GATAD2A: variants seen among roughly 807,000 people sequenced by gnomAD.
The protein encoded by GATAD2A is GATA zinc finger domain containing 2A.
GATAD2A carries 12 observed loss-of-function variants against 68.5 expected under a neutral mutation model. The observed-to-expected ratio is 0.18, with a 90% CI of 0.11 to 0.28. The LOEUF is 0.28. Ranked by LOEUF, GATAD2A falls within the 10% of genes least tolerant of loss-of-function variation. The pLI, the probability that GATAD2A is intolerant of heterozygous loss-of-function variation, is 1.00. For missense variants in GATAD2A, 755 were observed against 868.5 expected (o/e 0.87, Z 1.64); for synonymous variants, 410 against 375.3 (o/e 1.09, Z -1.07).
chr19:19,472,388 T>C (rs1329479078), intron 2 of GATAD2A: 1 of 151,876 alleles, frequency 6.6e-6, no homozygotes, highest in Non-Finnish European at 1.5e-5. Flanking sequence ...GACTGGAGTG[T>C]GGTGGCGTGG....
intron 2 of GATAD2A, among the ~76,000 whole-genome samples, chr19:19,484,037 G>T (rs549902040): frequency 6.6e-6 from 1 of 152,020 alleles, no homozygotes; most frequent in Non-Finnish European, 1.5e-5. Context: ...GGAGGACTGC[G>T]TGGGGTCCCA....
chr19:19,399,156 GGAGGTT>G (rs2049507622), intron 1 of GATAD2A, among the ~76,000 whole-genome samples: 1 of 152,132 alleles, frequency 6.6e-6, no homozygotes, highest in Admixed American at 6.5e-5. Flanking sequence ...CCTGAGAGGT[GGAGGTT>G]GCAGTGAGCC....
intron 1 of GATAD2A, among the ~76,000 whole-genome samples, chr19:19,438,998 C>T (rs922963261): frequency 6.6e-6 from 1 of 152,262 alleles, no homozygotes; most frequent in African/African-American, 2.4e-5. Context: ...CTAGCCCACA[C>T]TTGCTTTAAG....
intron 1 of GATAD2A, among the ~76,000 whole-genome samples, chr19:19,444,872 TAA>T (rs10641522): frequency 5.7e-5 from 7 of 123,164 alleles, no homozygotes; most frequent in East Asian, 2.4e-4. Context: ...CCTCGTCCCT[TAA>T]AAAAAAAAAA....
At chr19:19,475,723 G>A (rs923963218) in intron 2 of GATAD2A, among the ~76,000 whole-genome samples, 2 of 152,072 alleles carry the variant, frequency 1.3e-5, no homozygotes, top group East Asian at 1.9e-4. Flanking sequence ...TGCCTTAGCC[G>A]CTGCCCCTCC....
At chr19:19,392,394 G>GT (rs575233493) in intron 1 of GATAD2A, among the ~76,000 whole-genome samples, 208 of 109,616 alleles carry the variant, frequency 1.9e-3, no homozygotes, top group Admixed American at 2.1e-3. Flanking sequence ...TTGTGTGTGT[G>GT]TTTTTTTTTT....
chr19:19,389,876 C>T (rs1039620176), intron 1 of GATAD2A, among the ~76,000 whole-genome samples: 2 of 152,198 alleles, frequency 1.3e-5, no homozygotes, highest in African/African-American at 4.8e-5. Flanking sequence ...GATCCTCCCA[C>T]CTCAGCCTCT....
intron 11 of GATAD2A, among the ~76,000 whole-genome samples, chr19:19,504,331 A>G (rs1453876977): frequency 6.6e-6 from 1 of 152,270 alleles, no homozygotes; most frequent in East Asian, 1.9e-4. Flanking sequence ...GAAAATACAG[A>G]GAGAAAAGAC....
chr19:19,443,399 A>G (rs1311918685), intron 1 of GATAD2A, among the ~76,000 whole-genome samples: 1 of 152,176 alleles, frequency 6.6e-6, no homozygotes, highest in East Asian at 1.9e-4. Context: ...TAACTCTTTG[A>G]GCATACGATT....
At position 19,495,892 on chromosome 19, in the gene GATAD2A, A is replaced by G. The variant is rs762157056; in HGVS notation, c.756+7A>G. On this transcript the variant is annotated splice_region_variant and intron_variant, in intron 6 of 11. Transcript: ENST00000683918. ...ACTCGTCAGGGGGGCTCAGGTAAGC[A>G]GGGCTGTGCACATGGGGGAGACCTG... 3.7e-6 allele frequency: 6 copies of G among 1,609,684 alleles called. No homozygotes were observed. The highest frequency in any genetic ancestry group is 5.1e-6 in the Non-Finnish European group (6 of 1,177,188).
chr19:19,504,857 G>T (rs960048600), intron 11 of GATAD2A, among the ~76,000 whole-genome samples: 1 of 151,972 alleles, frequency 6.6e-6, no homozygotes, highest in African/African-American at 2.4e-5. Flanking sequence ...TGCCCAGGCT[G>T]GTCTCTATCT....
At chr19:19,471,022 G>A (rs1052360741) in intron 2 of GATAD2A, among the ~76,000 whole-genome samples, 2 of 152,158 alleles carry the variant, frequency 1.3e-5, no homozygotes, top group African/African-American at 2.4e-5. Context: ...TTGGGAGGCC[G>A]AGGCAGGCGG....
At position 19,501,297 on chromosome 19, in the gene GATAD2A, G is replaced by T. The variant is rs758316709; in HGVS notation, c.1384G>T (p.Ala462Ser). Residue 462 changes from alanine (A) to serine (S), a missense_variant, in exon 9 of 12, where the codon GCC (alanine) becomes TCC (serine). Coordinates refer to ENST00000683918, the MANE Select transcript of GATAD2A (RefSeq NM_001384528.1). Reference sequence around the variant, plus strand: ...GGAGCACACCAGCCGGCTGAAGGCCGCCTTTGTGAAGGCGCTGCAGCAGGA... The same window carrying T: ...GGAGCACACCAGCCGGCTGAAGGCCTCCTTTGTGAAGGCGCTGCAGCAGGA... ...KVEHTSRLKA[A>S]FVKALQQEQE... The T allele has an allele frequency of 6.2e-7, 1 of 1,613,218 alleles. No homozygotes were observed.
intron 11 of GATAD2A, among the ~76,000 whole-genome samples, chr19:19,502,839 A>C (rs2060628818): frequency 6.6e-6 from 1 of 152,154 alleles, no homozygotes; most frequent in Admixed American, 6.5e-5. Context: ...GTCAGCACAC[A>C]CCCCTATCTT....
intron 2 of GATAD2A, chr19:19,472,400 C>CTCA: frequency 6.6e-6 from 1 of 151,170 alleles, no homozygotes; most frequent in East Asian, 1.9e-4. Context: ...GTGGCGTGGT[C>CTCA]TCAGCTCACT....
rs200550373 is a variant in GATAD2A, at chr19:19,446,718, ATTTTG to A, written c.-6-18612_-6-18608del. On this transcript the variant is annotated intron_variant, in intron 1 of 11. Transcript: ENST00000683918. Reference sequence around the variant, plus strand: ...TTTTCATATATGGGGTGATGTAAAGATTTTGTTTTGTTTTTATTTTTTTGTAGAGA... The same window carrying A: ...TTTTCATATATGGGGTGATGTAAAGATTTTGTTTTTATTTTTTTGTAGAGA... Among the ~76,000 whole-genome samples the A allele has an allele frequency of 5.3e-3, 800 of 151,972 alleles. 6 individuals are homozygous for A. Among genetic ancestry groups the A allele is most frequent in the South Asian group, 0.041 (197 of 4,808 alleles).
At chr19:19,480,053 C>G (rs144533130) in intron 2 of GATAD2A, among the ~76,000 whole-genome samples, 2,475 of 152,022 alleles carry the variant, frequency 0.016, 80 homozygotes, top group South Asian at 0.085. Context: ...GTGATCCACC[C>G]GCCTCGGCTC....
intron 2 of GATAD2A, among the ~76,000 whole-genome samples, chr19:19,472,055 G>C (rs953964501): frequency 6.6e-6 from 1 of 152,182 alleles, no homozygotes; most frequent in Admixed American, 6.5e-5. Flanking sequence ...GGGTTTTTCT[G>C]TTGTTCTTTT....
chr19:19,409,094 C>T (rs2050626792), intron 1 of GATAD2A, among the ~76,000 whole-genome samples: 1 of 137,634 alleles, frequency 7.3e-6, no homozygotes, highest in African/African-American at 2.8e-5. Flanking sequence ...TATATGAATT[C>T]CCAACAGAGA....
Sources: allele counts gnomAD v4.1 joint callset (sites outside exome capture counted in the v4.1 genomes callset), GRCh38; gene constraint gnomAD v4.1.1; transcripts MANE v1.5; gene names NCBI Gene and HGNC (gene_info 2026-07-23, HGNC 2026-07-21).